LRP1B: variants seen among roughly 807,000 people sequenced by gnomAD.
LRP1B encodes LDL receptor related protein 1B.
Under a neutral mutation model 556.6 loss-of-function variants are expected in LRP1B, and 217 were observed. The observed-to-expected ratio is 0.39, with a 90% CI of 0.35 to 0.44. The LOEUF (loss-of-function observed/expected upper bound fraction) is 0.44, where lower values mean the gene tolerates loss of function less well. Ranked by LOEUF, LRP1B falls within the 20% of genes least tolerant of loss-of-function variation. The pLI, the probability that LRP1B is intolerant of heterozygous loss-of-function variation, is 1.00. For synonymous variants in LRP1B, 2,047 were observed against 1,865.8 expected (o/e 1.10, Z -2.50); for missense variants, 5,053 against 5,620.8 (o/e 0.90, Z 3.23).
At chr2:140,873,237 A>T (rs1415457264) in intron 25 of LRP1B, among the ~76,000 whole-genome samples, 1 of 152,094 alleles carries the variant, frequency 6.6e-6, no homozygotes, top group Non-Finnish European at 1.5e-5. Context: ...GGGGTTACAA[A>T]AGTATAAACC....
intron 3 of LRP1B, among the ~76,000 whole-genome samples, chr2:141,304,662 A>G: frequency 6.7e-6 from 1 of 150,122 alleles, no homozygotes; most frequent in Middle Eastern, 3.2e-3. Flanking sequence ...TTTTCTATAT[A>G]TATATATTTT....
intron 1 of LRP1B, among the ~76,000 whole-genome samples, chr2:142,041,149 T>C (rs895565035): frequency 6.6e-6 from 1 of 151,420 alleles, no homozygotes; most frequent in African/African-American, 2.4e-5. Flanking sequence ...TGGACTCATG[T>C]ATTTTCATAG....
chr2:141,996,005 G>A (rs1210566537), intron 1 of LRP1B, among the ~76,000 whole-genome samples: 1 of 152,078 alleles, frequency 6.6e-6, no homozygotes, highest in Non-Finnish European at 1.5e-5. Flanking sequence ...TGTAATCCCA[G>A]CACTTTTGAA....
intron 7 of LRP1B, among the ~76,000 whole-genome samples, chr2:141,080,759 T>C (rs1699903308): frequency 6.6e-6 from 1 of 152,222 alleles, no homozygotes; most frequent in Non-Finnish European, 1.5e-5. Context: ...ATTTCACTTT[T>C]GGAGATTTCA....
intron 41 of LRP1B, among the ~76,000 whole-genome samples, chr2:140,613,387 A>AAATATAAATATATATAATTATATG (rs1683145478): frequency 1.5e-5 from 2 of 129,608 alleles, no homozygotes; most frequent in East Asian, 4.3e-4. Context: ...ATAATTATAT[A>AAATATAAATATATATAATTATATG]CATATAAATA....
chr2:141,426,855 T>C (rs1215124067), intron 3 of LRP1B, among the ~76,000 whole-genome samples: 1 of 152,238 alleles, frequency 6.6e-6, no homozygotes. Flanking sequence ...TTAGATTTTA[T>C]GAAAACAATC....
intron 43 of LRP1B, among the ~76,000 whole-genome samples, chr2:140,581,610 C>G (rs1371427185): frequency 6.6e-6 from 1 of 151,960 alleles, no homozygotes; most frequent in Non-Finnish European, 1.5e-5. Flanking sequence ...TAAATTGACT[C>G]TTTACCATAA....
At chr2:141,597,594 T>C (rs1045308715) in intron 2 of LRP1B, among the ~76,000 whole-genome samples, 1 of 152,126 alleles carries the variant, frequency 6.6e-6, no homozygotes, top group Non-Finnish European at 1.5e-5. Context: ...CATGTTCTTA[T>C]ATTGGAAGGT....
chr2:141,756,495 AG>A (rs1306820520), intron 2 of LRP1B, among the ~76,000 whole-genome samples: 1 of 151,784 alleles, frequency 6.6e-6, no homozygotes, highest in Non-Finnish European at 1.5e-5. Context: ...AAAGGTTATA[AG>A]CTTAAAATAT....
At chr2:140,482,815 A>G (rs1639771233) in intron 59 of LRP1B, among the ~76,000 whole-genome samples, 1 of 152,204 alleles carries the variant, frequency 6.6e-6, no homozygotes, top group African/African-American at 2.4e-5. Flanking sequence ...TCTTCACTAA[A>G]TATCAGGACA....
chr2:141,562,956 A>T (rs1686215701), intron 2 of LRP1B, among the ~76,000 whole-genome samples: 2 of 152,028 alleles, frequency 1.3e-5, no homozygotes, highest in South Asian at 4.1e-4. Context: ...AAACTATGAT[A>T]ATACCATAAT....
chr2:141,115,451 T>G (rs1308892060), intron 7 of LRP1B, among the ~76,000 whole-genome samples: 2 of 104,626 alleles, frequency 1.9e-5, no homozygotes, highest in African/African-American at 6.9e-5. Context: ...AATAGGTTTT[T>G]GTTTTTGTTT....
At chr2:141,460,631 C>G (rs1681831325) in intron 3 of LRP1B, among the ~76,000 whole-genome samples, 1 of 151,964 alleles carries the variant, frequency 6.6e-6, no homozygotes, top group South Asian at 2.1e-4. Context: ...ATATTTATAA[C>G]AATATTTGGA....
chr2:141,414,103 G>A (rs1396116726), intron 3 of LRP1B, among the ~76,000 whole-genome samples: 3 of 151,842 alleles, frequency 2.0e-5, no homozygotes, highest in Admixed American at 6.6e-5. Flanking sequence ...CGGGTGTGGT[G>A]GCGGGTGCCT....
intron 2 of LRP1B, among the ~76,000 whole-genome samples, chr2:141,786,462 T>C (rs981901232): frequency 1.3e-5 from 2 of 151,934 alleles, no homozygotes; most frequent in African/African-American, 4.8e-5. Context: ...GAAAATGAGA[T>C]TGATTTTTGT....
At chr2:140,353,105 T>A (rs2105122504) in intron 75 of LRP1B, 33 bp from the exon 76 acceptor site, 1 of 1,609,722 alleles carries the variant, frequency 6.2e-7, no homozygotes, top group Non-Finnish European at 8.5e-7. Flanking sequence ...AGCATCATCA[T>A]ACCCTCAATT....
chr2:140,670,311 A>C (rs1685432698), intron 41 of LRP1B, among the ~76,000 whole-genome samples: 1 of 152,190 alleles, frequency 6.6e-6, no homozygotes, highest in Non-Finnish European at 1.5e-5. Flanking sequence ...AAGCACAAAG[A>C]AAGTTGGAAA....
At chr2:140,538,371 C>A (rs185051007) in intron 45 of LRP1B, among the ~76,000 whole-genome samples, 6 of 152,032 alleles carry the variant, frequency 3.9e-5, no homozygotes, top group African/African-American at 1.4e-4. Context: ...CTTTGTCCAC[C>A]GTCTTTCTCT....
chr2:141,804,691 G>T (rs1696114063), intron 2 of LRP1B, among the ~76,000 whole-genome samples: 1 of 152,082 alleles, frequency 6.6e-6, no homozygotes, highest in South Asian at 2.1e-4. Context: ...TGCATCATTG[G>T]TGCTCTGGGC....
Sources: gnomAD v4.1 joint callset for allele counts (sites outside exome capture counted in the v4.1 genomes callset) on GRCh38, gnomAD v4.1.1 for gene constraint, MANE v1.5 for transcripts, NCBI Gene and HGNC (gene_info 2026-07-23, HGNC 2026-07-21) for gene names.